Variants in PCDHA2 observed in about 807,000 individuals in gnomAD.
The protein encoded by PCDHA2 is protocadherin alpha-2.
A neutral mutation model predicts 66.0 loss-of-function variants in PCDHA2; 58 were observed. The observed-to-expected ratio is 0.88, with a 90% CI of 0.71 to 1.09. The LOEUF (loss-of-function observed/expected upper bound fraction) is 1.09, where lower values mean the gene tolerates loss of function less well. Among genes scored for constraint, PCDHA2 ranks in the 50% least tolerant of loss-of-function variants. The pLI, the probability that PCDHA2 is intolerant of heterozygous loss-of-function variation, is 0.00. For synonymous variants in PCDHA2, 634 were observed against 554.0 expected (o/e 1.14, Z -2.03); for missense variants, 1,267 against 1,242.3 (o/e 1.02, Z -0.30).
Position 140,932,248 on chromosome 5 carries a change from T to C in PCDHA2, c.2389-46701T>C, listed in dbSNP as rs1424091954. Among the ~76,000 whole-genome samples the C allele has an allele frequency of 2.6e-5, 4 of 152,016 alleles. No individual in the cohort carries two copies. In the East Asian group the frequency reaches 7.7e-4, roughly 29 times the overall value. On this transcript the variant is annotated intron_variant, in intron 1 of 3. Coordinates refer to ENST00000526136, the MANE Select transcript of PCDHA2 (RefSeq NM_018905.3). ...TTTTTTAGAATGGTATCTAAGAGGG[T>C]ACCTCTGAGATATAAATTTCTACTT... is the stretch of plus-strand genomic sequence containing the variant.
At chr5:140,928,282 C>G in intron 1 of PCDHA2, 1 of 1,614,166 alleles carries the variant, frequency 6.2e-7, no homozygotes, top group Non-Finnish European at 8.5e-7. Flanking sequence ...TGGGGCCTCT[C>G]TAGGCCGAGT....
chr5:140,879,055 A>C (rs1048447920), intron 1 of PCDHA2, among the ~76,000 whole-genome samples: 2 of 152,214 alleles, frequency 1.3e-5, no homozygotes, highest in Non-Finnish European at 2.9e-5. Context: ...ACAACATTTT[A>C]CCAAGAAAGT....
chr5:140,946,611 AATATAT>A (rs1554217734), intron 1 of PCDHA2, among the ~76,000 whole-genome samples: 5 of 86,812 alleles, frequency 5.8e-5, no homozygotes, highest in African/African-American at 2.5e-4. Context: ...GAAAATGTGA[AATATAT>A]ATATATATAT....
At position 140,848,698 on chromosome 5, in the gene PCDHA2, C is replaced by T. The variant is rs17844321; in HGVS notation, c.2388+51346C>T. On this transcript the variant is annotated intron_variant, in intron 1 of 3. Coordinates refer to ENST00000526136, the MANE Select transcript of PCDHA2 (RefSeq NM_018905.3). The stretch of plus-strand genomic sequence containing the variant: ...GTGCCGCGCCTGTTCCAGTTGGATT[C>T]CAAAGGCCGCGGGGACCTTCTGGAG... 1,049 of 1,592,348 alleles carry T rather than the reference C, an allele frequency of 6.6e-4. 38 individuals are homozygous for T. The East Asian group carries it at 0.022, about 33-fold the overall frequency.
chr5:140,993,939 T>C (rs1449633283), intron 3 of PCDHA2, among the ~76,000 whole-genome samples: 5 of 152,198 alleles, frequency 3.3e-5, no homozygotes, highest in Non-Finnish European at 7.3e-5. Context: ...ATATCCCCAT[T>C]GTTAAGTGAT....
Position 140,851,010 on chromosome 5 carries a change from T to C in PCDHA2, c.2388+53658T>C, listed in dbSNP as rs200591127. 6.3e-5 allele frequency: 90 copies of C among 1,436,878 alleles called. 3 individuals are homozygous for C. In the African/African-American group the frequency reaches 1.2e-3, roughly 20 times the overall value. The allele number at this position is 1,436,878 out of a possible 1,614,324, so 89.0% of individuals were successfully genotyped here. A position where few individuals can be genotyped will look rare whatever the true frequency, so the allele number is the denominator to read the frequency against. On this transcript the variant is annotated intron_variant, in intron 1 of 3. Transcript: ENST00000526136. ...TTTTCTAGAAATCCAGCAGATTTTT[T>C]TTCTGATAAAGTAAACCCCTTAACA...
chr5:140,903,121 C>A (rs2070010801), intron 1 of PCDHA2, among the ~76,000 whole-genome samples: 2 of 152,188 alleles, frequency 1.3e-5, no homozygotes, highest in Non-Finnish European at 2.9e-5. Flanking sequence ...ACTTCTAAAT[C>A]TTTAAGAAAT....
intron 1 of PCDHA2, chr5:140,843,163 T>A (rs2150354219): frequency 1.9e-6 from 3 of 1,596,072 alleles, no homozygotes; most frequent in Non-Finnish European, 2.6e-6. Context: ...TGCAGCCAGC[T>A]GCAAGCAGCC....
chr5:140,887,526 C>G (rs914597781), intron 1 of PCDHA2, among the ~76,000 whole-genome samples: 10 of 152,086 alleles, frequency 6.6e-5, no homozygotes, highest in Admixed American at 1.3e-4. Flanking sequence ...ATATATGAGT[C>G]TTCCTCTCCC....
chr5:140,948,150 T>C (rs1477987526), intron 1 of PCDHA2, among the ~76,000 whole-genome samples: 2 of 151,642 alleles, frequency 1.3e-5, no homozygotes, highest in Non-Finnish European at 3.0e-5. Flanking sequence ...TTTTTGAATG[T>C]TGGAAAAAAC....
In PCDHA2 at chr5:140,927,516, C is replaced by T. The variant is rs782661477; in HGVS notation, c.2389-51433C>T. 3.1e-6 allele frequency: 5 copies of T among 1,613,948 alleles called. No homozygotes were observed. The South Asian group carries it at 4.4e-5, about 14-fold the overall frequency. Reference sequence around the variant, plus strand: ...TGCTGGTGCTTACAGCTCGGGACGGCGGGCTACCTGCCCGCTCAGGAGACG... The same window carrying T: ...TGCTGGTGCTTACAGCTCGGGACGGTGGGCTACCTGCCCGCTCAGGAGACG... On this transcript the variant is annotated intron_variant, in intron 1 of 3. Transcript: ENST00000526136.
At position 140,947,043 on chromosome 5, in the gene PCDHA2, G is replaced by T. The variant is rs188994500; in HGVS notation, c.2389-31906G>T. Among the ~76,000 whole-genome samples the T allele has an allele frequency of 1.7e-3, 259 of 151,702 alleles. 2 individuals carry two copies. Among genetic ancestry groups the T allele is most frequent in the African/African-American group, 5.9e-3 (243 of 41,466 alleles). On this transcript the variant is annotated intron_variant, in intron 1 of 3. Transcript: ENST00000526136. ...AGGTAATGGATATACTAATTACCCT[G>T]ATTTGATCATTACACAGTGTATATA... is the stretch of plus-strand genomic sequence containing the variant.
chr5:140,805,611 A>G (rs1763606381), intron 1 of PCDHA2: 8 of 909,630 alleles, frequency 8.8e-6, no homozygotes, highest in Non-Finnish European at 1.1e-5. Flanking sequence ...AAATTTCTTT[A>G]TGTAAGAAAA....
In PCDHA2 at chr5:140,797,232, G is replaced by A. The variant is rs1554120351; in HGVS notation, c.2268G>A (p.Gln756=). The change falls in exon 1 of 4, where the codon CAG becomes CAA. Residue 756 remains glutamine (Q), a synonymous_variant. Transcript: ENST00000526136. ...GSWSYSQQRR[Q]RVCSGEDPPK... ...GGTCTTACTCGCAGCAGAGGCGGCA[G>A]AGGGTGTGCTCTGGGGAGGACCCCC... is the stretch of plus-strand genomic sequence containing the variant. The A allele has an allele frequency of 1.9e-6, 3 of 1,614,104 alleles. No homozygotes were observed. Among genetic ancestry groups the A allele is most frequent in the Admixed American group, 3.3e-5 (2 of 60,014 alleles).
chr5:140,827,596 T>C (rs2150148363), intron 1 of PCDHA2, among the ~76,000 whole-genome samples: 13 of 152,200 alleles, frequency 8.5e-5, no homozygotes, highest in Non-Finnish European at 1.6e-4. Context: ...GAAAGACAGA[T>C]GTGGGCAAGT....
At chr5:140,900,280 T>G (rs549563825) in intron 1 of PCDHA2, among the ~76,000 whole-genome samples, 1 of 152,182 alleles carries the variant, frequency 6.6e-6, no homozygotes, top group Admixed American at 6.5e-5. Flanking sequence ...TGTACCACAC[T>G]TTCTTTTCTG....
intron 1 of PCDHA2, among the ~76,000 whole-genome samples, chr5:140,833,925 A>T (rs2150212105): frequency 0.49 from 75,044 of 151,918 alleles, 18,888 homozygotes; most frequent in Middle Eastern, 0.62. Flanking sequence ...GTTTAAATTC[A>T]TGTTGTCACT....
chr5:141,009,651 C>A lies in PCDHA2; in HGVS notation c.2561C>A (p.Pro854His). 1 of 1,613,950 alleles carries A rather than the reference C, an allele frequency of 6.2e-7. No individual in the cohort carries two copies. The highest frequency in any genetic ancestry group is 8.5e-7 in the Non-Finnish European group (1 of 1,179,936). Residue 854 changes from proline (P) to histidine (H), a missense_variant, in exon 4 of 4, where the codon CCT (proline) becomes CAT (histidine). By Grantham distance (77) the Pro-to-His change is moderately conservative. Coordinates refer to ENST00000526136, the MANE Select transcript of PCDHA2 (RefSeq NM_018905.3). Reference protein sequence around the residue: ...TPEPEAGEVSPPVGAGVNSNS... With the variant: ...TPEPEAGEVSHPVGAGVNSNS... ...GAACCAGAGGCAGGAGAAGTGTCCC[C>A]TCCAGTCGGTGCGGGTGTCAACAGC...
chr5:140,904,365 A>G (rs1036617665), intron 1 of PCDHA2, among the ~76,000 whole-genome samples: 2 of 151,790 alleles, frequency 1.3e-5, no homozygotes, highest in African/African-American at 4.8e-5. Context: ...CCATTATTTC[A>G]TTCCTTTTTA....
Sources: gnomAD v4.1 joint callset for allele counts (sites outside exome capture counted in the v4.1 genomes callset) on GRCh38, gnomAD v4.1.1 for gene constraint, MANE v1.5 for transcripts, NCBI Gene and HGNC (gene_info 2026-07-23, HGNC 2026-07-21) for gene names.